Variants in CEP112 observed in about 807,000 individuals in gnomAD.
CEP112 encodes the protein centrosomal protein 112.
CEP112 carries 127 observed loss-of-function variants against 153.0 expected under a neutral mutation model. The ratio of observed to expected loss-of-function variants is 0.83; its 90% confidence interval spans 0.72 to 0.96. The LOEUF is 0.96. CEP112 is among the 40% of genes least tolerant of loss of function. The pLI is 0.00. For synonymous variants in CEP112, 358 were observed against 374.4 expected, an observed-to-expected ratio of 0.96 and a Z score of 0.51; for missense variants, 1,089 against 1,101.2, an observed-to-expected ratio of 0.99 and a Z score of 0.16.
rs550172181 is a variant in CEP112, at chr17:65,653,922, G to A, written c.2698-12857C>T. On this transcript the variant is annotated intron_variant, in intron 24 of 26. Transcript: ENST00000535342. ...AAAAATACAAAAATTAGCCGGGCGTGGTGGTGCGCACCTGTAGTCCCAGCT... is the reference window on the plus strand; with the variant it reads ...AAAAATACAAAAATTAGCCGGGCGTAGTGGTGCGCACCTGTAGTCCCAGCT... Among the ~76,000 whole-genome samples, 9 of 151,904 alleles carry A rather than the reference G, an allele frequency of 5.9e-5. No individual in the cohort carries two copies. In the South Asian group the frequency reaches 6.2e-4, roughly 11 times the overall value.
At chr17:65,970,775 A>G (rs2062716461) in intron 17 of CEP112, among the ~76,000 whole-genome samples, 1 of 133,538 alleles carries the variant, frequency 7.5e-6, no homozygotes, top group Non-Finnish European at 1.6e-5. Context: ...TACATGTTAC[A>G]TGCATGCATA....
At chr17:66,098,789 CTACA>C (rs1380412287) in intron 6 of CEP112, among the ~76,000 whole-genome samples, 3 of 152,076 alleles carry the variant, frequency 2.0e-5, no homozygotes, top group Non-Finnish European at 2.9e-5. Flanking sequence ...TCATCCATGA[CTACA>C]TCATAAAAAG....
chr17:65,659,362 T>C (rs1184273762), intron 24 of CEP112, among the ~76,000 whole-genome samples: 2 of 152,208 alleles, frequency 1.3e-5, no homozygotes, highest in African/African-American at 4.8e-5. Context: ...CTCTTGACAA[T>C]TATAAATAAT....
intron 24 of CEP112, chr17:65,655,372 G>A: frequency 6.4e-7 from 1 of 1,554,496 alleles, no homozygotes; most frequent in Non-Finnish European, 8.9e-7. Flanking sequence ...GACTACGAAA[G>A]GAAGCTCAAC....
At position 66,098,726 on chromosome 17, in the gene CEP112, C is replaced by T. The variant is rs369833242; in HGVS notation, c.643-2094G>A. The stretch of plus-strand genomic sequence containing the variant: ...ACTGTATGAATTTAAATGTCTCTCC[C>T]CATCCTCCAAAGACACATACAGATT... On this transcript the variant is annotated intron_variant, in intron 6 of 26. Transcript: ENST00000535342. 5.9e-5 allele frequency among the ~76,000 whole-genome samples: 9 copies of T among 152,262 alleles called. 1 individual carries two copies. In the East Asian group the frequency reaches 1.3e-3, roughly 23 times the overall value.
intron 12 of CEP112, among the ~76,000 whole-genome samples, chr17:66,035,899 C>T (rs1269697565): frequency 6.6e-6 from 1 of 152,192 alleles, no homozygotes; most frequent in Non-Finnish European, 1.5e-5. Context: ...AAACTGAGCT[C>T]CCGAAGTGTG....
In CEP112 at chr17:65,937,156, C is replaced by T. The variant is rs1184995463; in HGVS notation, c.1873-9467G>A. Among the ~76,000 whole-genome samples, 77 of 147,690 alleles carry T rather than the reference C, an allele frequency of 5.2e-4. 1 individual carries two copies. In the South Asian group the frequency reaches 7.4e-3, roughly 14 times the overall value. Reference sequence around the variant, plus strand: ...AGGCTGGAGTGCAGTGGCATGATCTCGGCTCGCTGCAACCTCTACCTCCCA... The same window carrying T: ...AGGCTGGAGTGCAGTGGCATGATCTTGGCTCGCTGCAACCTCTACCTCCCA... On this transcript the variant is annotated intron_variant, in intron 18 of 26. Coordinates refer to ENST00000535342, the MANE Select transcript of CEP112 (RefSeq NM_001199165.4).
At chr17:65,865,493 G>A (rs529504370) in intron 20 of CEP112, among the ~76,000 whole-genome samples, 72 of 152,322 alleles carry the variant, frequency 4.7e-4, no homozygotes, top group African/African-American at 1.6e-3. Context: ...GCAATGGGCC[G>A]TCCAGATCCC....
chr17:65,919,324 C>A (rs548226103), intron 19 of CEP112, among the ~76,000 whole-genome samples: 10 of 152,340 alleles, frequency 6.6e-5, no homozygotes, highest in Admixed American at 4.6e-4. Flanking sequence ...TCAGGAACCC[C>A]TGGCACTTGC....
At chr17:66,056,160 T>G (rs1223132687) in intron 11 of CEP112, among the ~76,000 whole-genome samples, 1 of 152,188 alleles carries the variant, frequency 6.6e-6, no homozygotes, top group Non-Finnish European at 1.5e-5. Flanking sequence ...AGTTTGATAA[T>G]GGGTACAGGA....
rs2058408510 is a variant in CEP112, at chr17:65,864,231, T to C, written c.2164-12197A>G. Among the ~76,000 whole-genome samples the C allele has an allele frequency of 2.0e-5, 3 of 152,108 alleles. No individual in the cohort carries two copies. In the South Asian group the frequency reaches 6.2e-4, roughly 32 times the overall value. On this transcript the variant is annotated intron_variant, in intron 20 of 26. Transcript: ENST00000535342. ...TTTTGATCCTCGGGCAGTTTGCCAC[T>C]CCATGTGTCCACCTAACTATCCATT...
chr17:65,663,045 G>A (rs188139923), intron 24 of CEP112, among the ~76,000 whole-genome samples: 16 of 152,246 alleles, frequency 1.1e-4, no homozygotes, highest in Non-Finnish European at 1.8e-4. Context: ...GCAGCAGAAA[G>A]GCTAAGATTT....
At chr17:66,175,652 T>A (rs2072439075) in intron 3 of CEP112, among the ~76,000 whole-genome samples, 2 of 152,316 alleles carry the variant, frequency 1.3e-5, no homozygotes, top group Non-Finnish European at 2.9e-5. Context: ...AGGAATCCCT[T>A]GATAAGGTGG....
chr17:66,138,869 C>A (rs1383228937), intron 4 of CEP112, among the ~76,000 whole-genome samples: 1 of 151,952 alleles, frequency 6.6e-6, no homozygotes, highest in Non-Finnish European at 1.5e-5. Context: ...ACAACAAATT[C>A]TCATCAATCA....
intron 4 of CEP112, among the ~76,000 whole-genome samples, chr17:66,141,608 C>T (rs1335915401): frequency 6.6e-6 from 1 of 152,126 alleles, no homozygotes; most frequent in East Asian, 1.9e-4. Flanking sequence ...TTCTACTCTC[C>T]TCTTCTATGG....
At chr17:66,098,315 ATTTC>A (rs1568487356) in intron 6 of CEP112, among the ~76,000 whole-genome samples, 1 of 152,142 alleles carries the variant, frequency 6.6e-6, no homozygotes, top group African/African-American at 2.4e-5. Context: ...GTTCAATTTA[ATTTC>A]TTTAAGGTTT....
intron 2 of CEP112, among the ~76,000 whole-genome samples, chr17:66,178,246 A>G (rs1598503477): frequency 1.3e-5 from 2 of 152,188 alleles, no homozygotes; most frequent in East Asian, 1.9e-4. Flanking sequence ...GTCTTTGGAT[A>G]AAAGCCATTT....
intron 11 of CEP112, among the ~76,000 whole-genome samples, chr17:66,056,805 T>G (rs1201420992): frequency 2.0e-5 from 3 of 152,178 alleles, no homozygotes; most frequent in African/African-American, 7.2e-5. Flanking sequence ...GTAAATTATA[T>G]TGTGGTGGAA....
chr17:65,959,279 C>G (rs1416510834), intron 18 of CEP112, among the ~76,000 whole-genome samples: 3 of 152,154 alleles, frequency 2.0e-5, no homozygotes, highest in African/African-American at 7.2e-5. Flanking sequence ...CCAGGGTCTC[C>G]TCTCTGCTAG....
Sources: allele counts gnomAD v4.1 joint callset (sites outside exome capture counted in the v4.1 genomes callset), GRCh38; gene constraint gnomAD v4.1.1; transcripts MANE v1.5; gene names NCBI Gene and HGNC (gene_info 2026-07-23, HGNC 2026-07-21).